Variants in MAP3K5 observed in about 807,000 individuals in gnomAD.
MAP3K5 encodes the protein ASK-1.
In MAP3K5, 56 loss-of-function variants were observed where a neutral mutation model predicts 158.7. The observed-to-expected ratio is 0.35, with a 90% CI of 0.28 to 0.44. The LOEUF is 0.44. Ranked by LOEUF, MAP3K5 falls within the 20% of genes least tolerant of loss-of-function variation. MAP3K5 has a pLI of 1.00. For synonymous variants in MAP3K5, 579 were observed against 601.7 expected (o/e 0.96, Z 0.55); for missense variants, 1,294 against 1,674.8 (o/e 0.77, Z 3.97).
chr6:136,682,329 G>T (rs932424784), intron 7 of MAP3K5, among the ~76,000 whole-genome samples: 2 of 152,186 alleles, frequency 1.3e-5, no homozygotes, highest in Non-Finnish European at 2.9e-5. Flanking sequence ...GGGAAGGAGG[G>T]TGGTAAAAAT....
chr6:136,672,345 A>G (rs917391806), intron 7 of MAP3K5, among the ~76,000 whole-genome samples: 1 of 152,266 alleles, frequency 6.6e-6, no homozygotes, highest in Non-Finnish European at 1.5e-5. Flanking sequence ...TGGCCTTCCA[A>G]GATGAGCTGA....
intron 26 of MAP3K5, among the ~76,000 whole-genome samples, 158 bp from the exon 27 acceptor site, chr6:136,562,773 C>T (rs1427498664): frequency 2.6e-5 from 4 of 151,600 alleles, no homozygotes; most frequent in Admixed American, 1.3e-4. Flanking sequence ...TGGACTCAAG[C>T]GATCCTCCCA....
chr6:136,778,646 T>A (rs971797585), intron 1 of MAP3K5, among the ~76,000 whole-genome samples: 6 of 152,312 alleles, frequency 3.9e-5, no homozygotes, highest in South Asian at 2.1e-4. Context: ...GTTATTTCAA[T>A]CTTTTCAAAT....
At chr6:136,578,380 C>T (rs2129074199) in intron 25 of MAP3K5, among the ~76,000 whole-genome samples, 1 of 152,272 alleles carries the variant, frequency 6.6e-6, no homozygotes, top group East Asian at 1.9e-4. Context: ...AATCAGGGAT[C>T]CGCTGTTTTC....
At chr6:136,560,955 A>T (rs1158802042) in intron 28 of MAP3K5, among the ~76,000 whole-genome samples, 1 of 143,244 alleles carries the variant, frequency 7.0e-6, no homozygotes, top group Non-Finnish European at 1.5e-5. Flanking sequence ...AAAAATATAA[A>T]ATAAAATAAA....
intron 1 of MAP3K5, among the ~76,000 whole-genome samples, chr6:136,753,871 T>C: frequency 6.6e-6 from 1 of 152,044 alleles, no homozygotes; most frequent in East Asian, 1.9e-4. Context: ...GGCTTTGAAG[T>C]AAAGGGAGAA....
At chr6:136,561,414 G>A (rs1350453436) in intron 28 of MAP3K5, 119 bp downstream of exon 28, 4 of 668,096 alleles carry the variant, frequency 6.0e-6, no homozygotes, top group Non-Finnish European at 1.1e-5. Flanking sequence ...TAAGCCTCAG[G>A]AGGGCAGGGC....
intron 8 of MAP3K5, among the ~76,000 whole-genome samples, chr6:136,665,576 C>T (rs1779193290): frequency 6.6e-6 from 1 of 152,114 alleles, no homozygotes; most frequent in Admixed American, 6.5e-5. Context: ...GAACTCCTGA[C>T]CTCAGGTAAT....
chr6:136,562,666 CTTTTT>C (rs761672220), intron 26 of MAP3K5, 51 bp from the exon 27 acceptor site: 7 of 948,388 alleles, frequency 7.4e-6, no homozygotes, highest in Non-Finnish European at 1.1e-5. Context: ...GGGTGACCTT[CTTTTT>C]TTTATTTTTA....
At chr6:136,765,130 C>A (rs1357030385) in intron 1 of MAP3K5, among the ~76,000 whole-genome samples, 1 of 152,182 alleles carries the variant, frequency 6.6e-6, no homozygotes, top group Non-Finnish European at 1.5e-5. Context: ...AATAAAAGCA[C>A]ATCTAAAAGC....
chr6:136,695,894 T>C (rs1259773324), intron 6 of MAP3K5, 57 bp downstream of exon 6: 6 of 995,386 alleles, frequency 6.0e-6, no homozygotes, highest in East Asian at 2.4e-5. Context: ...CTGTAAAGAA[T>C]TGCAGGTTAC....
rs576154878 is a variant in MAP3K5 at position 136,732,966 on chromosome 6, G to C, written c.449-12377C>G. 3.3e-5 allele frequency among the ~76,000 whole-genome samples: 5 copies of C among 152,198 alleles called. No homozygotes were observed. The South Asian group carries it at 1.0e-3, about 32-fold the overall frequency. On this transcript the variant is annotated intron_variant, in intron 1 of 29. Transcript: ENST00000359015. ...AATGAATGTTCTTGGTCACAAAATG[G>C]ACTGGACTAACAAAAAATCCACTTT...
At position 136,792,347 on chromosome 6, in the gene MAP3K5, C is replaced by G. The variant is rs1785120703; in HGVS notation, c.-190G>C. 9.9e-7 allele frequency: 1 copy of G among 1,005,526 alleles called. No individual in the cohort carries two copies. Among genetic ancestry groups the G allele is most frequent in the African/African-American group, 1.7e-5 (1 of 57,172 alleles). The allele number at this position is 1,005,526 out of a possible 1,614,324, so 62.3% of individuals were successfully genotyped here. ...AGGGCACGCCGCTGCCCGGCGGCGG[C>G]TCGCTCCTCCTCGGCGCCTCCGTGG... On this transcript the variant is annotated 5_prime_UTR_variant, in exon 1 of 30. Coordinates refer to ENST00000359015, the MANE Select transcript of MAP3K5 (RefSeq NM_005923.4). The surrounding 1 kb of genome is among the most constrained non-coding windows in gnomAD (Gnocchi z 5.7).
intron 21 of MAP3K5, among the ~76,000 whole-genome samples, chr6:136,599,559 T>C (rs765645606): frequency 5.9e-5 from 9 of 152,084 alleles, no homozygotes; most frequent in Non-Finnish European, 8.8e-5. Context: ...GTTAAATGCG[T>C]GTGTGTGATG....
At chr6:136,626,350 T>C (rs1467694861) in intron 14 of MAP3K5, among the ~76,000 whole-genome samples, 1 of 152,208 alleles carries the variant, frequency 6.6e-6, no homozygotes, top group Non-Finnish European at 1.5e-5. Flanking sequence ...ACTTACCCAT[T>C]GCCAAGTATC....
intron 24 of MAP3K5, among the ~76,000 whole-genome samples, chr6:136,583,328 C>A (rs534590169): frequency 1.3e-5 from 2 of 152,296 alleles, no homozygotes; most frequent in Admixed American, 1.3e-4. Flanking sequence ...TTGTTATTTT[C>A]CATGGTGATT....
intron 2 of MAP3K5, among the ~76,000 whole-genome samples, chr6:136,708,497 C>A (rs1781170777): frequency 6.6e-6 from 1 of 152,146 alleles, no homozygotes; most frequent in Admixed American, 6.6e-5. Context: ...CTCAAGCAAT[C>A]CGCCTGCTTC....
chr6:136,572,773 G>A (rs1026351921), intron 25 of MAP3K5, among the ~76,000 whole-genome samples: 3 of 152,128 alleles, frequency 2.0e-5, no homozygotes, highest in Non-Finnish European at 2.9e-5. Flanking sequence ...CTTTCATGGT[G>A]GTTCCCTGAG....
chr6:136,595,882 T>C (rs1006685253), intron 21 of MAP3K5, among the ~76,000 whole-genome samples: 6 of 152,056 alleles, frequency 3.9e-5, no homozygotes, highest in Non-Finnish European at 8.8e-5. Flanking sequence ...TGGTGGTGTG[T>C]GCCTGTAGTG....
Sources: allele counts gnomAD v4.1 joint callset (sites outside exome capture counted in the v4.1 genomes callset), GRCh38; gene constraint gnomAD v4.1.1; non-coding constraint Gnocchi (gnomAD v3.1); transcripts MANE v1.5; gene names NCBI Gene and HGNC (gene_info 2026-07-23, HGNC 2026-07-21).